DNAH1: variants seen among roughly 807,000 people sequenced by gnomAD.
DNAH1 encodes axonemal beta dynein heavy chain 1.
A neutral mutation model predicts 484.3 loss-of-function variants in DNAH1; 327 were observed. The observed-to-expected ratio is 0.68, with a 90% CI of 0.62 to 0.74. The LOEUF (loss-of-function observed/expected upper bound fraction) is 0.74, where lower values mean the gene tolerates loss of function less well. DNAH1 is among the 30% of genes least tolerant of loss of function. The probability of loss-of-function intolerance (pLI) is 0.00; values close to 1 mark genes in which losing one functional copy is unlikely to be tolerated. For synonymous variants in DNAH1, 2,192 were observed against 2,191.9 expected (o/e 1.00, Z 0.00); for missense variants, 5,052 against 5,546.8 (o/e 0.91, Z 2.83).
Position 52,398,072 on chromosome 3 carries a change from C to G in DNAH1, c.11999C>G (p.Pro4000Arg). 1 of 1,613,938 alleles carries G rather than the reference C, an allele frequency of 6.2e-7. No homozygotes were observed. Residue 4000 changes from proline (P) to arginine (R), a missense_variant, in exon 75 of 78, where the codon CCT (proline) becomes CGT (arginine). Pro to Arg is a moderately radical substitution (Grantham distance 103, BLOSUM62 -2). Coordinates refer to ENST00000420323, the MANE Select transcript of DNAH1 (RefSeq NM_015512.5). ...DVTQNILLKVPEPINLQWVMA... is the reference protein window; with the variant it reads ...DVTQNILLKVREPINLQWVMA... ...ACCCAAAACATTCTGCTCAAGGTGCCTGAGCCTATCAACTTGCAATGGGTG... is the reference window on the plus strand; with the variant it reads ...ACCCAAAACATTCTGCTCAAGGTGCGTGAGCCTATCAACTTGCAATGGGTG...
Position 52,374,487 on chromosome 3 carries a change from G to T in DNAH1, c.6986-753G>T, listed in dbSNP as rs749477790. The T allele has an allele frequency of 5.8e-4, 825 of 1,425,134 alleles. 3 individuals carry two copies. Among genetic ancestry groups the T allele is most frequent in the Non-Finnish European group, 7.6e-4 (770 of 1,008,300 alleles). The allele number at this position is 1,425,134 out of a possible 1,614,324, so 88.3% of individuals were successfully genotyped here. A position where few individuals can be genotyped will look rare whatever the true frequency, so the allele number is the denominator to read the frequency against. Reference sequence around the variant, plus strand: ...AGTAATGTTCTTAAACAAATTAGAAGCGATTTTAGATGTCATTGAACCATC... The same window carrying T: ...AGTAATGTTCTTAAACAAATTAGAATCGATTTTAGATGTCATTGAACCATC... On this transcript the variant is annotated intron_variant, in intron 44 of 77. Transcript: ENST00000420323.
intron 44 of DNAH1, chr3:52,374,548 A>G: frequency 3.3e-6 from 5 of 1,498,392 alleles, no homozygotes; most frequent in Non-Finnish European, 4.7e-6. Context: ...CTCTTCCGGC[A>G]GTTGGCCAAA....
At chr3:52,386,381 T>C in intron 55 of DNAH1, 36 bp downstream of exon 55, 1 of 1,526,300 alleles carries the variant, frequency 6.6e-7, no homozygotes, top group African/African-American at 1.4e-5. Context: ...TTCCCTCTCA[T>C]ATGCCTCTGT....
Position 52,358,019 on chromosome 3 carries a change from C to A in DNAH1, c.4086+16C>A, listed in dbSNP as rs760649851. ...CATCGCTCGGGTGGGCAGCTGGGCCCGGGGCTCAGGGCTGGGAGCATGGGG... is the reference window on the plus strand; with the variant it reads ...CATCGCTCGGGTGGGCAGCTGGGCCAGGGGCTCAGGGCTGGGAGCATGGGG... On this transcript the variant is annotated intron_variant, in intron 24 of 77. Transcript: ENST00000420323. The surrounding 1 kb of genome is among the most constrained non-coding windows in gnomAD (Gnocchi z 4.2). 1 of 1,584,422 alleles carries A rather than the reference C, an allele frequency of 6.3e-7. No homozygotes were observed. Among genetic ancestry groups the A allele is most frequent in the Non-Finnish European group, 8.6e-7 (1 of 1,161,086 alleles).
chr3:52,339,098 C>T (rs1038876007), intron 8 of DNAH1, among the ~76,000 whole-genome samples: 1 of 150,842 alleles, frequency 6.6e-6, no homozygotes. Context: ...TTTTGTTTTT[C>T]TTCATCAAGG....
intron 50 of DNAH1, 30 bp downstream of exon 50, chr3:52,382,485 C>CG (rs755541008): frequency 2.2e-4 from 360 of 1,610,558 alleles, no homozygotes; most frequent in Middle Eastern, 3.4e-4. Flanking sequence ...GGGCAGGGCT[C>CG]GGGGGGGCTG....
At chr3:52,386,470 G>T (rs1704115536) in intron 55 of DNAH1, 125 bp downstream of exon 55, 2 of 1,370,766 alleles carry the variant, frequency 1.5e-6, no homozygotes, top group Admixed American at 5.5e-5. Flanking sequence ...CAGGGCCCAA[G>T]TAGGAGCATG....
At chr3:52,383,625 G>A in intron 51 of DNAH1, 31 bp downstream of exon 51, 1 of 1,526,334 alleles carries the variant, frequency 6.6e-7, no homozygotes, top group Non-Finnish European at 8.8e-7. Flanking sequence ...GCTGCGCTGG[G>A]GCAGCGGAGC....
intron 52 of DNAH1, 145 bp from the exon 53 acceptor site, chr3:52,384,641 G>T: frequency 1.2e-6 from 1 of 806,152 alleles, no homozygotes; most frequent in Non-Finnish European, 1.9e-6. Context: ...CCTGGAGGTC[G>T]TGAGGCTCAT....
At position 52,352,963 on chromosome 3, in the gene DNAH1, C is replaced by G. The variant is rs1464565627; in HGVS notation, c.3028-140C>G. On this transcript the variant is annotated intron_variant, in intron 18 of 77. Coordinates refer to ENST00000420323, the MANE Select transcript of DNAH1 (RefSeq NM_015512.5). ...TGGGAAGAGAAGAAGGGAGGCCAGG[C>G]CCAGGTGTTTGGGGGCACGGTCAGG... The G allele has an allele frequency of 8.0e-5, 80 of 1,005,830 alleles. 2 individuals are homozygous for G. In the South Asian group the frequency reaches 1.3e-3, roughly 17 times the overall value. The allele number at this position is 1,005,830 out of a possible 1,614,324, so 62.3% of individuals were successfully genotyped here.
intron 44 of DNAH1, chr3:52,373,745 A>G: frequency 1.4e-6 from 2 of 1,393,900 alleles, no homozygotes; most frequent in Non-Finnish European, 2.0e-6. Context: ...CACTAAGTGA[A>G]CTAAAGTAGA....
At chr3:52,337,743 C>T (rs1359913347) in intron 8 of DNAH1, among the ~76,000 whole-genome samples, 1 of 152,164 alleles carries the variant, frequency 6.6e-6, no homozygotes, top group African/African-American at 2.4e-5. Context: ...CCATTATCCC[C>T]TGCTTTCCTA....
At chr3:52,375,882 T>A (rs1316690736) in intron 45 of DNAH1, 73 bp from the exon 46 acceptor site, 1 of 1,556,830 alleles carries the variant, frequency 6.4e-7, no homozygotes, top group African/African-American at 1.4e-5. Flanking sequence ...TCCCCCACCA[T>A]CTCACCTGGC....
At position 52,398,112 on chromosome 3, in the gene DNAH1, A is replaced by G; in HGVS notation, c.12039A>G (p.Pro4013=). 1 of 1,613,884 alleles carries G rather than the reference A, an allele frequency of 6.2e-7. No individual in the cohort carries two copies. The highest frequency in any genetic ancestry group is 1.1e-5 in the South Asian group (1 of 91,078). Residue 4013 remains proline (P), a synonymous_variant, in exon 75 of 78, where the codon CCA becomes CCG. Transcript: ENST00000420323. ...TGCAATGGGTGATGGCCAAGTACCC[A>G]GTGCTGTATGAGGAATCAATGAACA... ...INLQWVMAKY[P]VLYEESMNTV...
chr3:52,328,160 G>GA, intron 6 of DNAH1, 146 bp downstream of exon 6: 1 of 1,096,312 alleles, frequency 9.1e-7, no homozygotes. Flanking sequence ...CCTAGAAGCT[G>GA]GCCTCACAGA....
intron 6 of DNAH1, among the ~76,000 whole-genome samples, chr3:52,328,343 C>T (rs1387837202): frequency 1.3e-5 from 2 of 152,206 alleles, no homozygotes; most frequent in African/African-American, 4.8e-5. Context: ...CATCCCTCCA[C>T]CCAGAAGCCC....
chr3:52,378,986 G>A (rs937141703), intron 47 of DNAH1, among the ~76,000 whole-genome samples: 5 of 152,204 alleles, frequency 3.3e-5, no homozygotes, highest in African/African-American at 9.6e-5. Context: ...TGGCTGAGAC[G>A]GGGATCACAT....
intron 22 of DNAH1, among the ~76,000 whole-genome samples, chr3:52,357,412 G>A (rs1702657792): frequency 6.6e-6 from 1 of 152,186 alleles, no homozygotes; most frequent in South Asian, 2.1e-4. Flanking sequence ...CTTTAGCTTT[G>A]TTTAACTCTA....
Position 52,397,648 on chromosome 3 carries a change from ACT to A in DNAH1, c.11788-56_11788-55del, listed in dbSNP as rs1306616957. 6.1e-6 allele frequency: 9 copies of A among 1,479,854 alleles called. No individual in the cohort carries two copies. The East Asian group carries it at 2.1e-4, about 34-fold the overall frequency. 91.7% of individuals were successfully genotyped at this position (1,479,854 alleles called of 1,614,324 possible). A position where few individuals can be genotyped will look rare whatever the true frequency, so the allele number is the denominator to read the frequency against. ...TGGGGATGTGCTCCATTGGAGGGTA[ACT>A]CTGAGGGCTGGGGCAGAGCAAGCCA... On this transcript the variant is annotated intron_variant, in intron 73 of 77. Coordinates refer to ENST00000420323, the MANE Select transcript of DNAH1 (RefSeq NM_015512.5).
Sources: gnomAD v4.1 joint callset for allele counts (sites outside exome capture counted in the v4.1 genomes callset) on GRCh38, gnomAD v4.1.1 for gene constraint, Gnocchi (gnomAD v3.1) non-coding constraint, MANE v1.5 for transcripts, NCBI Gene and HGNC (gene_info 2026-07-23, HGNC 2026-07-21) for gene names.